The following VDR variants were observed in gnomAD, a reference collection of about 807,000 sequenced individuals.
VDR encodes the protein vitamin D receptor.
In VDR, 19 loss-of-function variants were observed where a neutral mutation model predicts 39.7. The ratio of observed to expected loss-of-function variants is 0.48; its 90% CI spans 0.33 to 0.70. The LOEUF (loss-of-function observed/expected upper bound fraction) is 0.70, where lower values mean the gene tolerates loss of function less well. VDR is among the 30% of genes least tolerant of loss of function. The pLI, the probability that VDR is intolerant of heterozygous loss-of-function variation, is 0.02. For synonymous variants in VDR, 242 were observed against 215.8 expected, an observed-to-expected ratio of 1.12 and a Z score of -1.07; for missense variants, 442 against 570.5, an observed-to-expected ratio of 0.77 and a Z score of 2.29.
intron 5 of VDR, 29 bp from the exon 6 acceptor site, chr12:47,857,278 C>T: frequency 1.2e-6 from 2 of 1,614,040 alleles, no homozygotes; most frequent in Non-Finnish European, 1.7e-6. Context: ...GTCTCAGACC[C>T]ACATTTTGGG....
intron 1 of VDR, among the ~76,000 whole-genome samples, chr12:47,888,584 G>C (rs1946304918): frequency 6.6e-6 from 1 of 152,228 alleles, no homozygotes. Context: ...TTTCTGGGCT[G>C]ATTACTGCTC....
intron 3 of VDR, 38 bp downstream of exon 3, chr12:47,878,930 T>C: frequency 6.2e-7 from 1 of 1,613,994 alleles, no homozygotes; most frequent in Admixed American, 1.7e-5. Context: ...TTCTTCTCCC[T>C]CCCTTTCCAC....
At chr12:47,865,674 C>CA (rs1326773778) in intron 3 of VDR, among the ~76,000 whole-genome samples, 2 of 149,766 alleles carry the variant, frequency 1.3e-5, no homozygotes, top group Non-Finnish European at 3.0e-5. Flanking sequence ...AGGCCTCCCA[C>CA]AGTGCTGGGA....
intron 1 of VDR, among the ~76,000 whole-genome samples, chr12:47,887,647 G>A (rs1177465975): frequency 1.3e-5 from 2 of 152,254 alleles, no homozygotes; most frequent in South Asian, 2.1e-4. Context: ...TGCACCTGGA[G>A]AGAACAGTGT....
At chr12:47,882,623 G>GGCCCCCGCCCC in intron 2 of VDR, 71 bp downstream of exon 2, 1 of 543,282 alleles carries the variant, frequency 1.8e-6, no homozygotes, top group Non-Finnish European at 3.2e-6. Flanking sequence ...ACCTTCTTAT[G>GGCCCCCGCCCC]CCCCTCCCCC....
At chr12:47,878,833 T>C in intron 3 of VDR, 135 bp downstream of exon 3, 1 of 1,403,412 alleles carries the variant, frequency 7.1e-7, no homozygotes, top group Non-Finnish European at 9.8e-7. Flanking sequence ...CTCCTGCTCC[T>C]GTGGCTGTGA....
rs1200846982 is a variant in VDR at position 47,842,079 on chromosome 12, C to G, written c.*2667G>C. The G allele has an allele frequency of 1.3e-5, 2 of 152,408 alleles. No homozygotes were observed. Among genetic ancestry groups the G allele is most frequent in the East Asian group, 3.7e-4 (2 of 5,338 alleles). 9.4% of individuals were successfully genotyped at this position (152,408 alleles called of 1,614,324 possible). A position where few individuals can be genotyped will look rare whatever the true frequency, so the allele number is the denominator to read the frequency against. ...GCCCAGGGCTGAGTAACTGATATTT[C>G]CAGGAGTTCCCCGAAGAAGGCAGGG... On this transcript the variant is annotated 3_prime_UTR_variant, in exon 10 of 10. Coordinates refer to ENST00000549336, the MANE Select transcript of VDR (RefSeq NM_000376.3).
intron 2 of VDR, among the ~76,000 whole-genome samples, chr12:47,881,528 C>A (rs1946150609): frequency 6.6e-6 from 1 of 152,088 alleles, no homozygotes; most frequent in East Asian, 1.9e-4. Context: ...TTAACAGAAA[C>A]CTTTGGAGAG....
At chr12:47,879,935 G>A (rs1946110405) in intron 2 of VDR, among the ~76,000 whole-genome samples, 1 of 152,132 alleles carries the variant, frequency 6.6e-6, no homozygotes, top group Non-Finnish European at 1.5e-5. Flanking sequence ...CGGAACGAAA[G>A]CCCACAGCTT....
At chr12:47,860,460 G>C (rs576919322) in intron 4 of VDR, among the ~76,000 whole-genome samples, 2 of 152,320 alleles carry the variant, frequency 1.3e-5, no homozygotes, top group South Asian at 4.1e-4. Flanking sequence ...GCAATGTAGT[G>C]AATGGCACCT....
At chr12:47,882,667 A>G in intron 2 of VDR, 27 bp downstream of exon 2, 1 of 716,990 alleles carries the variant, frequency 1.4e-6, no homozygotes. Flanking sequence ...AAGCCAGGGA[A>G]GTTGCGGCTG....
intron 3 of VDR, among the ~76,000 whole-genome samples, chr12:47,868,006 AG>A (rs1204979434): frequency 6.6e-6 from 1 of 152,130 alleles, no homozygotes; most frequent in Non-Finnish European, 1.5e-5. Context: ...AGATCCACAG[AG>A]GGCCCAAGAG....
chr12:47,868,444 T>C (rs1233051388), intron 3 of VDR, among the ~76,000 whole-genome samples: 1 of 152,246 alleles, frequency 6.6e-6, no homozygotes, highest in Non-Finnish European at 1.5e-5. Flanking sequence ...AGAAAGAAGT[T>C]ATACGCCAGG....
rs148898496 is a variant in VDR, at chr12:47,886,432, C to A, written c.-83-3658G>T. Among the ~76,000 whole-genome samples, 106 of 152,322 alleles carry A rather than the reference C, an allele frequency of 7.0e-4. 1 individual carries two copies. Among genetic ancestry groups the A allele is most frequent in the African/African-American group, 2.5e-3 (103 of 41,560 alleles). On this transcript the variant is annotated intron_variant, in intron 1 of 9. Coordinates refer to ENST00000549336, the MANE Select transcript of VDR (RefSeq NM_000376.3). Reference sequence around the variant, plus strand: ...ATACCCTCTCTTTCTTCTCCACCATCCCCACCATGTATCCATTTTCTTTGT... The same window carrying A: ...ATACCCTCTCTTTCTTCTCCACCATACCCACCATGTATCCATTTTCTTTGT...
chr12:47,845,028 G>A (rs753858857), intron 9 of VDR, 23 bp from the exon 10 acceptor site: 2 of 1,607,578 alleles, frequency 1.2e-6, no homozygotes, highest in Non-Finnish European at 1.7e-6. Flanking sequence ...GGATAGAGAA[G>A]AAGGCACAGG....
intron 7 of VDR, 49 bp downstream of exon 7, chr12:47,855,581 C>T (rs1225945473): frequency 6.2e-7 from 1 of 1,606,236 alleles, no homozygotes; most frequent in Admixed American, 1.7e-5. Context: ...TCTTGTAGCT[C>T]AGTCTAGGAC....
At chr12:47,846,551 TG>T in intron 8 of VDR, 100 bp from the exon 9 acceptor site, 6 of 1,570,866 alleles carry the variant, frequency 3.8e-6, no homozygotes, top group Non-Finnish European at 5.2e-6. Flanking sequence ...TCCCTGTTGG[TG>T]CCTAACTCCC....
intron 3 of VDR, among the ~76,000 whole-genome samples, chr12:47,871,361 T>TTCCTTTC (rs1565622841): frequency 5.0e-5 from 7 of 141,100 alleles, no homozygotes; most frequent in African/African-American, 1.8e-4. Context: ...TTTCTTTCCT[T>TTCCTTTC]TCTCTCTCTC....
intron 3 of VDR, 38 bp from the exon 4 acceptor site, chr12:47,865,215 A>C (rs781420837): frequency 3.2e-5 from 52 of 1,604,676 alleles, no homozygotes; most frequent in Non-Finnish European, 4.3e-5. Context: ...GGGTCACTGA[A>C]CTTCCGGCTC....
Sources: allele counts gnomAD v4.1 joint callset (sites outside exome capture counted in the v4.1 genomes callset), GRCh38; gene constraint gnomAD v4.1.1; transcripts MANE v1.5; gene names NCBI Gene and HGNC (gene_info 2026-07-23, HGNC 2026-07-21).